The following PPP1R9A variants were observed in gnomAD, a reference collection of about 807,000 sequenced individuals.
PPP1R9A encodes the protein protein phosphatase 1 regulatory subunit 9A.
In PPP1R9A, 59 loss-of-function variants were observed where a neutral mutation model predicts 141.9. The observed-to-expected ratio is 0.42, with a 90% confidence interval of 0.34 to 0.52. The LOEUF is 0.52. Ranked by LOEUF, PPP1R9A falls within the 20% of genes least tolerant of loss-of-function variation. The pLI, the probability that PPP1R9A is intolerant of heterozygous loss-of-function variation, is 0.10. For missense variants in PPP1R9A, 1,444 were observed against 1,611.9 expected, an observed-to-expected ratio of 0.90 and a Z score of 1.78; for synonymous variants, 500 against 569.7, an observed-to-expected ratio of 0.88 and a Z score of 1.74.
At chr7:95,159,853 GA>G (rs1296986236) in intron 4 of PPP1R9A, among the ~76,000 whole-genome samples, 1 of 150,730 alleles carries the variant, frequency 6.6e-6, no homozygotes, top group East Asian at 1.9e-4. Flanking sequence ...TTGAACCCGG[GA>G]GGCGGAGGTT....
At chr7:94,968,317 C>T (rs1427227416) in intron 2 of PPP1R9A, among the ~76,000 whole-genome samples, 4 of 151,148 alleles carry the variant, frequency 2.6e-5, no homozygotes, top group East Asian at 1.9e-4. Context: ...GGACTACAGG[C>T]GCCCGCCACT....
At chr7:95,184,355 G>A (rs945436311) in intron 5 of PPP1R9A, among the ~76,000 whole-genome samples, 2 of 151,988 alleles carry the variant, frequency 1.3e-5, no homozygotes, top group African/African-American at 4.8e-5. Flanking sequence ...ATATGTTTCA[G>A]GTATTAAATG....
chr7:95,038,694 C>A (rs1262689400), intron 2 of PPP1R9A, among the ~76,000 whole-genome samples: 1 of 152,078 alleles, frequency 6.6e-6, no homozygotes, highest in East Asian at 1.9e-4. Flanking sequence ...AGGTCACAGG[C>A]TAGAGACAAA....
chr7:94,986,898 A>T (rs145072061), intron 2 of PPP1R9A, among the ~76,000 whole-genome samples: 11 of 152,290 alleles, frequency 7.2e-5, no homozygotes, highest in African/African-American at 2.6e-4. Context: ...CAGATCTTTA[A>T]TGTTGTAAAA....
At chr7:95,269,848 A>G (rs1801888890) in intron 14 of PPP1R9A, among the ~76,000 whole-genome samples, 1 of 152,110 alleles carries the variant, frequency 6.6e-6, no homozygotes, top group Admixed American at 6.6e-5. Flanking sequence ...ATATAGAGCG[A>G]TTTTGTAGAA....
intron 2 of PPP1R9A, among the ~76,000 whole-genome samples, chr7:95,015,914 A>G (rs1442359074): frequency 2.0e-5 from 3 of 151,964 alleles, no homozygotes; most frequent in African/African-American, 7.2e-5. Context: ...TAGGGCAGGC[A>G]TGGTGGTGTG....
rs146050766 is a variant in PPP1R9A at position 95,125,212 on chromosome 7, C to A, written c.1649+4380C>A. On this transcript the variant is annotated intron_variant, in intron 4 of 19. Coordinates refer to ENST00000433360, the MANE Select transcript of PPP1R9A (RefSeq NM_001166160.2). ...CCCAGGCTGACCTCAAACTCTTGGG[C>A]TCAAGTGAACTCCCCACCTCAGCCT... Among the ~76,000 whole-genome samples the A allele has an allele frequency of 4.2e-3, 634 of 152,202 alleles. 4 individuals are homozygous for A. The highest frequency in any genetic ancestry group is 0.014 in the African/African-American group (597 of 41,512).
At chr7:95,071,983 T>C (rs1813876420) in intron 2 of PPP1R9A, among the ~76,000 whole-genome samples, 1 of 151,642 alleles carries the variant, frequency 6.6e-6, no homozygotes, top group African/African-American at 2.4e-5. Context: ...TTTTATTAAA[T>C]ATTGTTCTGT....
At chr7:95,068,133 G>A (rs192975169) in intron 2 of PPP1R9A, among the ~76,000 whole-genome samples, 54 of 152,160 alleles carry the variant, frequency 3.5e-4, no homozygotes, top group Admixed American at 1.7e-3. Context: ...AAACCTCAGC[G>A]CCTATTAAGA....
In PPP1R9A at chr7:95,286,008, A is replaced by G. The variant is rs565552877; in HGVS notation, c.3610-198A>G. Among the ~76,000 whole-genome samples, 19 of 152,272 alleles carry G rather than the reference A, an allele frequency of 1.2e-4. No individual in the cohort carries two copies. In the South Asian group the frequency reaches 3.9e-3, roughly 32 times the overall value. On this transcript the variant is annotated intron_variant, in intron 17 of 19. Coordinates refer to ENST00000433360, the MANE Select transcript of PPP1R9A (RefSeq NM_001166160.2). ...TCTAAAACATCTATCCTTTCATCAC[A>G]TGGAGAAAGCACCCAGAATTCCCTC...
chr7:94,935,661 T>C (rs1011749831), intron 2 of PPP1R9A, among the ~76,000 whole-genome samples: 1 of 152,232 alleles, frequency 6.6e-6, no homozygotes, highest in Non-Finnish European at 1.5e-5. Flanking sequence ...TCAGTTCTTA[T>C]TGCCTTTCCC....
chr7:94,943,820 G>A (rs540911767), intron 2 of PPP1R9A, among the ~76,000 whole-genome samples: 7 of 152,240 alleles, frequency 4.6e-5, no homozygotes. Flanking sequence ...TTTAGAAATG[G>A]ATTTCTTGCA....
At chr7:95,156,654 A>G (rs1012176158) in intron 4 of PPP1R9A, 7 of 152,278 alleles carry the variant, frequency 4.6e-5, no homozygotes, top group African/African-American at 1.4e-4. Flanking sequence ...TTCAGCTCCT[A>G]GCAGAAAGGA....
At chr7:95,144,116 GA>G (rs1041376562) in intron 4 of PPP1R9A, among the ~76,000 whole-genome samples, 3 of 151,888 alleles carry the variant, frequency 2.0e-5, no homozygotes, top group African/African-American at 7.3e-5. Context: ...TCTTATAACA[GA>G]AAGTTTCTAC....
intron 8 of PPP1R9A, among the ~76,000 whole-genome samples, chr7:95,226,902 AC>A (rs1259537353): frequency 1.3e-5 from 2 of 152,174 alleles, no homozygotes; most frequent in Non-Finnish European, 2.9e-5. Flanking sequence ...TAAAACAGAA[AC>A]AGTGATTAAT....
At chr7:95,082,009 C>T (rs1489757591) in intron 2 of PPP1R9A, among the ~76,000 whole-genome samples, 1 of 152,070 alleles carries the variant, frequency 6.6e-6, no homozygotes, top group Non-Finnish European at 1.5e-5. Flanking sequence ...CTTAGAAATC[C>T]CATTTTCATT....
intron 2 of PPP1R9A, among the ~76,000 whole-genome samples, chr7:95,041,001 G>GAT (rs1809149291): frequency 6.6e-6 from 1 of 152,142 alleles, no homozygotes; most frequent in Non-Finnish European, 1.5e-5. Flanking sequence ...TCTGAGAGGA[G>GAT]ATATCCCATG....
At chr7:94,909,639 T>TGTGA (rs1791227403) in intron 1 of PPP1R9A, among the ~76,000 whole-genome samples, 2 of 152,060 alleles carry the variant, frequency 1.3e-5, no homozygotes, top group Admixed American at 1.3e-4. Flanking sequence ...AGCTTGTATT[T>TGTGA]GTGAGTGTGT....
intron 2 of PPP1R9A, among the ~76,000 whole-genome samples, chr7:95,081,406 C>T (rs182844795): frequency 2.6e-5 from 4 of 152,012 alleles, no homozygotes; most frequent in Non-Finnish European, 2.9e-5. Flanking sequence ...TAGAGAAAAA[C>T]GTATTAGGAA....
Sources: gnomAD v4.1 joint callset for allele counts (sites outside exome capture counted in the v4.1 genomes callset) on GRCh38, gnomAD v4.1.1 for gene constraint, MANE v1.5 for transcripts, NCBI Gene and HGNC (gene_info 2026-07-23, HGNC 2026-07-21) for gene names.